The following PAG1 variants were observed in gnomAD, a reference collection of about 807,000 sequenced individuals.
PAG1 encodes the protein phosphoprotein membrane anchor with glycosphingolipid microdomains 1, also known as phosphoprotein associated with glycosphingolipid-enriched microdomains 1.
Under a neutral mutation model 31.7 loss-of-function variants are expected in PAG1, and 23 were observed. That is an observed-to-expected ratio of 0.73 (90% CI 0.52 to 1.03). PAG1 has a LOEUF of 1.03. Among genes scored for constraint, PAG1 ranks in the 50% least tolerant of loss-of-function variants. The pLI, the probability that PAG1 is intolerant of heterozygous loss-of-function variation, is 0.00. For missense variants in PAG1, 473 were observed against 540.7 expected (o/e 0.87, Z 1.24); for synonymous variants, 214 against 210.3 (o/e 1.02, Z -0.15).
intron 1 of PAG1, among the ~76,000 whole-genome samples, chr8:81,101,470 C>G (rs949208784): frequency 1.3e-5 from 2 of 152,104 alleles, no homozygotes; most frequent in Admixed American, 1.3e-4. Flanking sequence ...ACAATTTAGG[C>G]AATACAATGA....
chr8:81,015,257 T>C (rs1808053450), intron 3 of PAG1, among the ~76,000 whole-genome samples: 1 of 152,216 alleles, frequency 6.6e-6, no homozygotes, highest in African/African-American at 2.4e-5. Flanking sequence ...GTAAAAGAAA[T>C]CAATAACAAT....
At chr8:80,978,387 T>C (rs1807226954) in intron 8 of PAG1, among the ~76,000 whole-genome samples, 1 of 152,216 alleles carries the variant, frequency 6.6e-6, no homozygotes, top group South Asian at 2.1e-4. Flanking sequence ...AAACACAGAA[T>C]GTATTATCTA....
intron 3 of PAG1, among the ~76,000 whole-genome samples, chr8:80,993,865 C>CA (rs1181756955): frequency 1.3e-5 from 2 of 152,188 alleles, no homozygotes; most frequent in African/African-American, 4.8e-5. Context: ...CTCAGCCTCC[C>CA]AAAGTGCTGG....
intron 3 of PAG1, among the ~76,000 whole-genome samples, chr8:81,000,977 A>G (rs1490067573): frequency 6.6e-6 from 1 of 152,174 alleles, no homozygotes; most frequent in Non-Finnish European, 1.5e-5. Flanking sequence ...TTCCTCACAC[A>G]AGCCTCAAGG....
intron 2 of PAG1, among the ~76,000 whole-genome samples, chr8:81,055,063 TTC>T (rs912859844): frequency 4.8e-5 from 7 of 145,040 alleles, no homozygotes; most frequent in African/African-American, 1.4e-4. Context: ...CTGAATTAAT[TTC>T]TTTTTTTTTC....
intron 6 of PAG1, among the ~76,000 whole-genome samples, chr8:80,986,284 G>C (rs982039795): frequency 2.0e-5 from 3 of 152,138 alleles, no homozygotes; most frequent in Admixed American, 6.5e-5. Context: ...CATCACGGAG[G>C]GGGTGAACTT....
chr8:81,107,479 A>C (rs1456136922), intron 1 of PAG1, among the ~76,000 whole-genome samples: 1 of 152,196 alleles, frequency 6.6e-6, no homozygotes, highest in Non-Finnish European at 1.5e-5. Flanking sequence ...CTCCTTGCAC[A>C]GTTCTGGGCT....
intron 5 of PAG1, among the ~76,000 whole-genome samples, chr8:80,991,137 A>T (rs1361501361): frequency 6.6e-6 from 1 of 152,178 alleles, no homozygotes; most frequent in Non-Finnish European, 1.5e-5. Context: ...TTTCCCTCAG[A>T]AGCAACCAAT....
At chr8:81,079,710 C>CTTATTA (rs142749932) in intron 1 of PAG1, among the ~76,000 whole-genome samples, 3,118 of 151,544 alleles carry the variant, frequency 0.021, 61 homozygotes, top group South Asian at 0.039. Flanking sequence ...AGAAGAAATA[C>CTTATTA]TTATTATTAT....
intron 2 of PAG1, among the ~76,000 whole-genome samples, chr8:81,035,206 A>G (rs180994575): frequency 6.6e-6 from 1 of 152,126 alleles, no homozygotes; most frequent in African/African-American, 2.4e-5. Context: ...TCAGAGTAAG[A>G]GCCACAGTTC....
At chr8:81,097,328 T>C (rs947439400) in intron 1 of PAG1, among the ~76,000 whole-genome samples, 1 of 152,060 alleles carries the variant, frequency 6.6e-6, no homozygotes, top group African/African-American at 2.4e-5. Context: ...AAATGTGGAA[T>C]GGGGTGCGGC....
intron 1 of PAG1, among the ~76,000 whole-genome samples, chr8:81,085,854 T>C (rs201872408): frequency 6.6e-6 from 1 of 152,164 alleles, no homozygotes; most frequent in African/African-American, 2.4e-5. Flanking sequence ...GTATTTGAAG[T>C]CTTTGAATGC....
At chr8:81,109,624 T>C (rs556371036) in intron 1 of PAG1, among the ~76,000 whole-genome samples, 18 of 152,234 alleles carry the variant, frequency 1.2e-4, no homozygotes, top group Non-Finnish European at 1.6e-4. Context: ...TAGCAGCAAT[T>C]CAATGTCCAT....
intron 3 of PAG1, among the ~76,000 whole-genome samples, chr8:81,023,624 A>C (rs544829846): frequency 6.6e-6 from 1 of 152,238 alleles, no homozygotes; most frequent in South Asian, 2.1e-4. Context: ...AGAGAGAAAA[A>C]AAGGGAGAGA....
At position 81,022,465 on chromosome 8, in the gene PAG1, C is replaced by T. The variant is rs187308402; in HGVS notation, c.-81+7531G>A. ...ATTGCTGGAAAATAACGATGCTTATCTAAGTCATTCTGAATTGTTAGCCAC... is the reference window on the plus strand; with the variant it reads ...ATTGCTGGAAAATAACGATGCTTATTTAAGTCATTCTGAATTGTTAGCCAC... On this transcript the variant is annotated intron_variant, in intron 3 of 8. Transcript: ENST00000220597. 2.6e-5 allele frequency among the ~76,000 whole-genome samples: 4 copies of T among 152,224 alleles called. No homozygotes were observed. In the East Asian group the frequency reaches 5.8e-4, roughly 22 times the overall value.
chr8:81,067,583 C>A (rs571171997), intron 2 of PAG1: 1 of 152,196 alleles, frequency 6.6e-6, no homozygotes, highest in Non-Finnish European at 1.5e-5. Context: ...AAATTAACCT[C>A]GTCTTTGTGA....
chr8:81,049,676 T>C (rs1808695603), intron 2 of PAG1, among the ~76,000 whole-genome samples: 1 of 152,150 alleles, frequency 6.6e-6, no homozygotes, highest in Non-Finnish European at 1.5e-5. Context: ...ATAATAATGC[T>C]AGAAAGGATT....
intron 2 of PAG1, among the ~76,000 whole-genome samples, chr8:81,050,425 T>G (rs1301068811): frequency 6.6e-6 from 1 of 152,020 alleles, no homozygotes; most frequent in Non-Finnish European, 1.5e-5. Flanking sequence ...GAAATTCAGT[T>G]TTGAGTTTTA....
In PAG1 at chr8:80,972,225, C is replaced by G. The variant is rs1001686277; in HGVS notation, c.*4319G>C. 3.3e-5 allele frequency: 5 copies of G among 152,190 alleles called. No homozygotes were observed. Among genetic ancestry groups the G allele is most frequent in the African/African-American group, 1.2e-4 (5 of 41,438 alleles). The allele number at this position is 152,190 out of a possible 1,614,324, so 9.4% of individuals were successfully genotyped here. The stretch of plus-strand genomic sequence containing the variant: ...TCCAGGAAGTAATCATCAGTACCTA[C>G]TGTGCTTCCAGCAGCCAAAGCTAAG... On this transcript the variant is annotated 3_prime_UTR_variant, in exon 9 of 9. Coordinates refer to ENST00000220597, the MANE Select transcript of PAG1 (RefSeq NM_018440.4).
Sources: allele counts gnomAD v4.1 joint callset (sites outside exome capture counted in the v4.1 genomes callset), GRCh38; gene constraint gnomAD v4.1.1; transcripts MANE v1.5; gene names NCBI Gene and HGNC (gene_info 2026-07-23, HGNC 2026-07-21).